KCND3: variants seen among roughly 807,000 people sequenced by gnomAD.
KCND3 encodes A-type voltage-gated potassium channel KCND3.
In KCND3, 9 loss-of-function variants were observed where a neutral mutation model predicts 51.1. The observed-to-expected ratio is 0.18, with a 90% CI of 0.11 to 0.31. The LOEUF (loss-of-function observed/expected upper bound fraction) is 0.31, where lower values mean the gene tolerates loss of function less well. Ranked by LOEUF, KCND3 falls within the 10% of genes least tolerant of loss-of-function variation. The probability of loss-of-function intolerance (pLI) is 1.00; values close to 1 mark genes in which losing one functional copy is unlikely to be tolerated. For missense variants in KCND3, 526 were observed against 903.8 expected (o/e 0.58, Z 5.36); for synonymous variants, 349 against 368.0 (o/e 0.95, Z 0.59).
At chr1:111,865,586 T>C (rs920710675) in intron 2 of KCND3, among the ~76,000 whole-genome samples, 1 of 152,250 alleles carries the variant, frequency 6.6e-6, no homozygotes, top group South Asian at 2.1e-4. Context: ...AAATAATGTC[T>C]CTGAAAGAGG....
At chr1:111,872,638 G>C (rs1283836252) in intron 2 of KCND3, among the ~76,000 whole-genome samples, 3 of 152,104 alleles carry the variant, frequency 2.0e-5, no homozygotes, top group Non-Finnish European at 4.4e-5. Context: ...TTTAGGGTGG[G>C]CTAAAGAAAG....
At chr1:111,862,130 T>C (rs1365051931) in intron 2 of KCND3, among the ~76,000 whole-genome samples, 1 of 152,220 alleles carries the variant, frequency 6.6e-6, no homozygotes, top group Non-Finnish European at 1.5e-5. Context: ...CCCAGACAGA[T>C]ATCTGGGGTC....
At chr1:111,795,998 G>C (rs1557941763) in intron 2 of KCND3, among the ~76,000 whole-genome samples, 1 of 152,110 alleles carries the variant, frequency 6.6e-6, no homozygotes, top group African/African-American at 2.4e-5. Flanking sequence ...AAAAGTGTCT[G>C]TTCATGTCCT....
intron 2 of KCND3, among the ~76,000 whole-genome samples, chr1:111,929,134 G>A (rs902556750): frequency 2.0e-5 from 3 of 152,184 alleles, no homozygotes; most frequent in African/African-American, 7.2e-5. Flanking sequence ...AGAACCCTAA[G>A]GAGAAATCAG....
At chr1:111,803,831 G>A (rs927753529) in intron 2 of KCND3, among the ~76,000 whole-genome samples, 4 of 151,732 alleles carry the variant, frequency 2.6e-5, no homozygotes, top group East Asian at 2.0e-4. Context: ...AAAAAACTTC[G>A]TTAAAAGAAG....
intron 2 of KCND3, among the ~76,000 whole-genome samples, chr1:111,890,932 T>C (rs538475901): frequency 6.6e-6 from 1 of 152,330 alleles, no homozygotes; most frequent in South Asian, 2.1e-4. Flanking sequence ...CACAGTGATC[T>C]GGACAAGAAG....
chr1:111,856,619 G>A (rs534043413), intron 2 of KCND3, among the ~76,000 whole-genome samples: 22 of 152,346 alleles, frequency 1.4e-4, no homozygotes, highest in South Asian at 6.2e-4. Flanking sequence ...TGGGGTCAGC[G>A]CCAGGAAGCC....
Position 111,912,093 on chromosome 1 carries a change from G to A in KCND3, c.1106+69528C>T, listed in dbSNP as rs1213921073. ...ACATACAAGGAATGAAACTCCATAAGGCTGGAGAAAGAACCATCGCAAAGC... is the reference window on the plus strand; with the variant it reads ...ACATACAAGGAATGAAACTCCATAAAGCTGGAGAAAGAACCATCGCAAAGC... On this transcript the variant is annotated intron_variant, in intron 2 of 7. Transcript: ENST00000302127. Among the ~76,000 whole-genome samples, 6 of 152,226 alleles carry A rather than the reference G, an allele frequency of 3.9e-5. No individual in the cohort carries two copies. In the East Asian group the frequency reaches 1.2e-3, roughly 29 times the overall value.
At chr1:111,955,809 C>T (rs920884961) in intron 2 of KCND3, among the ~76,000 whole-genome samples, 4 of 152,202 alleles carry the variant, frequency 2.6e-5, no homozygotes, top group Non-Finnish European at 1.5e-5. Flanking sequence ...CAGCACTGTG[C>T]TAGGCACGAA....
intron 2 of KCND3, among the ~76,000 whole-genome samples, chr1:111,806,176 G>A (rs12117374): frequency 6.6e-6 from 1 of 152,112 alleles, no homozygotes; most frequent in South Asian, 2.1e-4. Flanking sequence ...CCCAAAGAAC[G>A]GGGTCACTCA....
At chr1:111,913,417 C>T (rs1047457670) in intron 2 of KCND3, among the ~76,000 whole-genome samples, 2 of 152,174 alleles carry the variant, frequency 1.3e-5, no homozygotes, top group Non-Finnish European at 2.9e-5. Context: ...AAAGGCATCA[C>T]ATTCACAGTG....
At chr1:111,784,367 C>T (rs1664520235) in intron 3 of KCND3, among the ~76,000 whole-genome samples, 1 of 152,110 alleles carries the variant, frequency 6.6e-6, no homozygotes, top group Non-Finnish European at 1.5e-5. Context: ...TATGGGTATG[C>T]ACCAGAACTG....
intron 2 of KCND3, among the ~76,000 whole-genome samples, chr1:111,875,028 A>G (rs1257024877): frequency 6.6e-6 from 1 of 152,214 alleles, no homozygotes; most frequent in Non-Finnish European, 1.5e-5. Context: ...GTCTCCAGCT[A>G]ATGAATCAAA....
intron 3 of KCND3, among the ~76,000 whole-genome samples, chr1:111,784,708 T>C (rs529208674): frequency 1.6e-4 from 24 of 152,044 alleles, no homozygotes; most frequent in African/African-American, 4.8e-4. Context: ...TTCCCTCTTA[T>C]AGGAAGCCCA....
intron 2 of KCND3, among the ~76,000 whole-genome samples, chr1:111,945,474 AC>A (rs1255927245): frequency 6.6e-6 from 1 of 152,058 alleles, no homozygotes; most frequent in Non-Finnish European, 1.5e-5. Context: ...ACCCCCATTA[AC>A]CCTCACAACA....
chr1:111,884,589 G>A (rs1669484958), intron 2 of KCND3, among the ~76,000 whole-genome samples: 1 of 152,150 alleles, frequency 6.6e-6, no homozygotes, highest in African/African-American at 2.4e-5. Flanking sequence ...TTGGAGCAGG[G>A]CACCCCTGGA....
chr1:111,848,828 T>C (rs995457848), intron 2 of KCND3, among the ~76,000 whole-genome samples: 3 of 152,026 alleles, frequency 2.0e-5, no homozygotes, highest in Non-Finnish European at 4.4e-5. Context: ...CAGGCCAGAG[T>C]AGAAGGATGC....
intron 2 of KCND3, among the ~76,000 whole-genome samples, chr1:111,887,326 G>A (rs1669614212): frequency 6.6e-6 from 1 of 152,156 alleles, no homozygotes; most frequent in African/African-American, 2.4e-5. Flanking sequence ...GGCAGGGTGC[G>A]GGTGGAGAGG....
intron 3 of KCND3, among the ~76,000 whole-genome samples, chr1:111,782,882 C>T (rs930800944): frequency 1.3e-5 from 2 of 152,114 alleles, no homozygotes; most frequent in African/African-American, 4.8e-5. Context: ...TTTACATAAC[C>T]ATACCCAGAA....
Sources: gnomAD v4.1 joint callset for allele counts (sites outside exome capture counted in the v4.1 genomes callset) on GRCh38, gnomAD v4.1.1 for gene constraint, MANE v1.5 for transcripts, NCBI Gene and HGNC (gene_info 2026-07-23, HGNC 2026-07-21) for gene names.